Variants in MED6 observed in about 807,000 individuals in gnomAD.
MED6 encodes mediator of RNA polymerase II transcription subunit 6.
MED6 carries 33 observed loss-of-function variants against 37.5 expected under a neutral mutation model. The observed-to-expected ratio is 0.88, with a 90% CI of 0.67 to 1.18. The LOEUF (loss-of-function observed/expected upper bound fraction) is 1.18. Ranked by LOEUF, MED6 falls within the 50% of genes most tolerant of loss-of-function variation. The pLI, the probability that MED6 is intolerant of heterozygous loss-of-function variation, is 0.00. For synonymous variants in MED6, 94 were observed against 93.6 expected (o/e 1.00, Z -0.02); for missense variants, 235 against 290.6 (o/e 0.81, Z 1.39).
intron 1 of MED6, among the ~76,000 whole-genome samples, chr14:70,600,044 T>C (rs187631253): frequency 2.8e-4 from 43 of 152,286 alleles, no homozygotes; most frequent in Non-Finnish European, 5.0e-4. Flanking sequence ...TCCATACATT[T>C]ATTCACTGAC....
In MED6 at chr14:70,584,405, C is replaced by T. The variant is rs895848581; in HGVS notation, c.*408G>A. On this transcript the variant is annotated 3_prime_UTR_variant, in exon 8 of 8. Transcript: ENST00000256379. ...TTTCTTCTTTTTTGAGACAAAGTCT[C>T]GCTCTGTCGCCCAAGCTGGAGTGCA... 2 of 375,802 alleles carry T rather than the reference C, an allele frequency of 5.3e-6. No individual in the cohort carries two copies. The highest frequency in any genetic ancestry group is 2.1e-5 in the African/African-American group (1 of 47,976). 23.3% of individuals were successfully genotyped at this position (375,802 alleles called of 1,614,324 possible). A position where few individuals can be genotyped will look rare whatever the true frequency, so the allele number is the denominator to read the frequency against.
At chr14:70,594,988 A>C (rs1884997989) in intron 3 of MED6, 1 of 589,138 alleles carries the variant, frequency 1.7e-6, no homozygotes, top group Non-Finnish European at 3.4e-6. Flanking sequence ...CTTCTCAAGT[A>C]CTGTGGACAA....
intron 6 of MED6, among the ~76,000 whole-genome samples, chr14:70,589,409 C>T (rs1226737894): frequency 6.6e-6 from 1 of 152,206 alleles, no homozygotes; most frequent in East Asian, 1.9e-4. Context: ...ACTGACTACA[C>T]CACTCCCTTG....
At chr14:70,590,667 TATCTA>T (rs2139594035) in intron 6 of MED6, among the ~76,000 whole-genome samples, 1 of 152,340 alleles carries the variant, frequency 6.6e-6, no homozygotes, top group South Asian at 2.1e-4. Context: ...TTCCATTCCA[TATCTA>T]CTAGACTCCA....
At chr14:70,588,690 AT>A (rs33958759) in intron 6 of MED6, among the ~76,000 whole-genome samples, 10 of 5,042 alleles carry the variant, frequency 2.0e-3, no homozygotes, top group Non-Finnish European at 2.8e-3. Context: ...CGTCTCAAAA[AT>A]AATAATAATA....
Position 70,584,340 on chromosome 14 carries a change from T to C in MED6, c.*473A>G, listed in dbSNP as rs1595044576. 2 of 498,866 alleles carry C rather than the reference T, an allele frequency of 4.0e-6. No individual in the cohort carries two copies. The highest frequency in any genetic ancestry group is 2.0e-5 in the African/African-American group (1 of 50,986). 30.9% of individuals were successfully genotyped at this position (498,866 alleles called of 1,614,324 possible). A position where few individuals can be genotyped will look rare whatever the true frequency, so the allele number is the denominator to read the frequency against. On this transcript the variant is annotated 3_prime_UTR_variant, in exon 8 of 8. Transcript: ENST00000256379. ...GAGAGGAAAGGTTACAGAAGACATA[T>C]AACAAATATTCACAAGAAATCATGA...
rs570699300 is a variant in MED6 at position 70,583,731 on chromosome 14, A to C, written c.*1082T>G. 5.5e-6 allele frequency: 1 copy of C among 182,892 alleles called. No individual in the cohort carries two copies. Among genetic ancestry groups the C allele is most frequent in the South Asian group, 2.0e-4 (1 of 5,118 alleles). The allele number at this position is 182,892 out of a possible 1,614,324, so 11.3% of individuals were successfully genotyped here. ...CTAAAACAGTCTATAAAAACTACAT[A>C]AACATGGGGAAAAGCTTACAACAGA... is the stretch of plus-strand genomic sequence containing the variant. On this transcript the variant is annotated 3_prime_UTR_variant, in exon 8 of 8. Coordinates refer to ENST00000256379, the MANE Select transcript of MED6 (RefSeq NM_005466.4).
At chr14:70,596,492 T>G (rs531907629) in intron 3 of MED6, 119 bp downstream of exon 3, 1 of 679,380 alleles carries the variant, frequency 1.5e-6, no homozygotes, top group Non-Finnish European at 2.5e-6. Flanking sequence ...GTACTGAACA[T>G]GTATGTGGTC....
rs758687576 is a variant in MED6 at position 70,591,271 on chromosome 14, C to T, written c.577G>A (p.Val193Met). 6.2e-7 allele frequency: 1 copy of T among 1,610,334 alleles called. No homozygotes were observed. Among genetic ancestry groups the T allele is most frequent in the South Asian group, 1.1e-5 (1 of 90,340 alleles). Reference sequence around the variant, plus strand: ...ACCACACATATTCTCATTACCTGCACAAATTTGGGTGGAAATTTTTGTCTG... The same window carrying T: ...ACCACACATATTCTCATTACCTGCATAAATTTGGGTGGAAATTTTTGTCTG... ...DLRQKFPPKF[V>M]QLKPGEKPVP... is the part of the protein sequence containing the mutation. The change falls in exon 6 of 8, where the codon GTG becomes ATG. Residue 193 changes from valine to methionine, a missense_variant. Coordinates refer to ENST00000256379, the MANE Select transcript of MED6 (RefSeq NM_005466.4).
intron 3 of MED6, chr14:70,594,784 C>T (rs1019237625): frequency 3.7e-5 from 21 of 572,868 alleles, no homozygotes; most frequent in East Asian, 1.4e-4. Context: ...GCATCCAGAA[C>T]GAGGAGGAGA....
At position 70,589,189 on chromosome 14, in the gene MED6, C is replaced by A. The variant is rs952233236; in HGVS notation, c.582+2077G>T. On this transcript the variant is annotated intron_variant, in intron 6 of 7. Transcript: ENST00000256379. ...CCTAGTCTAATTCTAGGCCTAAAAC[C>A]ACAGAATCACCCTTTGTCCAATCTC... Among the ~76,000 whole-genome samples the A allele has an allele frequency of 5.3e-5, 8 of 152,218 alleles. No individual in the cohort carries two copies. The South Asian group carries it at 8.3e-4, about 16-fold the overall frequency.
At chr14:70,591,425 T>C (rs1884867468) in intron 5 of MED6, 44 bp from the exon 6 acceptor site, 1 of 1,456,808 alleles carries the variant, frequency 6.9e-7, no homozygotes, top group South Asian at 1.2e-5. Flanking sequence ...CCTACTTAGT[T>C]TGGTGTCTCA....
Position 70,585,741 on chromosome 14 carries a change from T to C in MED6, c.610+15A>G. 6.3e-7 allele frequency: 1 copy of C among 1,589,280 alleles called. No homozygotes were observed. The highest frequency in any genetic ancestry group is 1.4e-5 in the African/African-American group (1 of 73,468). ...CCTTATTTCAAGCGTAATAAGAATA[T>C]TACATGAACCATACCTGGAACAGGC... is the stretch of plus-strand genomic sequence containing the variant. On this transcript the variant is annotated intron_variant, in intron 7 of 7. Coordinates refer to ENST00000256379, the MANE Select transcript of MED6 (RefSeq NM_005466.4).
chr14:70,596,345 G>A (rs930452868), intron 3 of MED6: 5 of 300,974 alleles, frequency 1.7e-5, no homozygotes, highest in Non-Finnish European at 2.5e-5. Flanking sequence ...TAAGAAACTT[G>A]CACATGGATT....
intron 1 of MED6, among the ~76,000 whole-genome samples, 190 bp downstream of exon 1, chr14:70,600,426 C>T (rs889625137): frequency 7.0e-6 from 1 of 142,586 alleles, no homozygotes; most frequent in Admixed American, 6.8e-5. Flanking sequence ...CCAAGAGACG[C>T]TCCAAGAACT....
In MED6 at chr14:70,600,623, A is replaced by G; in HGVS notation, c.15T>C (p.Asp5=). 1 of 1,613,256 alleles carries G rather than the reference A, an allele frequency of 6.2e-7. No individual in the cohort carries two copies. Among genetic ancestry groups the G allele is most frequent in the African/African-American group, 1.3e-5 (1 of 74,682 alleles). Residue 5 remains aspartate, a synonymous_variant, in exon 1 of 8, where the codon GAT becomes GAC. Transcript: ENST00000256379. ...TATAGCAATACAGTATACCTCGGATATCCACCGCCGCCATAATTCCGAGAG... is the reference window on the plus strand; with the variant it reads ...TATAGCAATACAGTATACCTCGGATGTCCACCGCCGCCATAATTCCGAGAG... MAAV[D]IRDNLLGISW...
intron 6 of MED6, 66 bp downstream of exon 6, chr14:70,591,200 T>A (rs1375226425): frequency 8.2e-7 from 1 of 1,223,888 alleles, no homozygotes; most frequent in Non-Finnish European, 1.2e-6. Context: ...CAGTTCTCAA[T>A]TAAAAATTAA....
intron 2 of MED6, 135 bp downstream of exon 2, chr14:70,597,482 AT>A (rs1566678407): frequency 6.4e-6 from 4 of 620,550 alleles, no homozygotes; most frequent in Non-Finnish European, 9.6e-6. Context: ...TGCATGTCAA[AT>A]TTGCATAAAC....
chr14:70,584,982 G>A, intron 7 of MED6, 39 bp from the exon 8 acceptor site: 1 of 1,599,150 alleles, frequency 6.3e-7, no homozygotes, highest in East Asian at 2.2e-5. Context: ...GGGAGATATG[G>A]GTGGGGGGAA....
Sources: allele counts gnomAD v4.1 joint callset (sites outside exome capture counted in the v4.1 genomes callset), GRCh38; gene constraint gnomAD v4.1.1; transcripts MANE v1.5; gene names NCBI Gene and HGNC (gene_info 2026-07-23, HGNC 2026-07-21).